The following SIK3 variants were observed in gnomAD, a reference collection of about 807,000 sequenced individuals.
SIK3 encodes serine/threonine-protein kinase SIK3.
Under a neutral mutation model 144.2 loss-of-function variants are expected in SIK3, and 28 were observed. That is an observed-to-expected ratio of 0.19 (90% confidence interval 0.14 to 0.27). The LOEUF (loss-of-function observed/expected upper bound fraction) is 0.27, where lower values mean the gene tolerates loss of function less well. Among genes scored for constraint, SIK3 ranks in the 10% least tolerant of loss-of-function variants. The pLI is 1.00. For missense variants in SIK3, 1,319 were observed against 1,776.0 expected, an observed-to-expected ratio of 0.74 and a Z score of 4.62; for synonymous variants, 686 against 676.3, an observed-to-expected ratio of 1.01 and a Z score of -0.22.
chr11:117,081,152 T>C (rs1375651920), intron 1 of SIK3, among the ~76,000 whole-genome samples: 1 of 152,094 alleles, frequency 6.6e-6, no homozygotes, highest in East Asian at 1.9e-4. Flanking sequence ...TTCCCTTTTT[T>C]AATTAAAAAA....
At chr11:117,020,025 G>A (rs902907644) in intron 1 of SIK3, among the ~76,000 whole-genome samples, 2 of 151,878 alleles carry the variant, frequency 1.3e-5, no homozygotes, top group Non-Finnish European at 2.9e-5. Context: ...CTTCCCCAAA[G>A]AAAAGCCCCA....
Position 116,858,746 on chromosome 11 carries a change from G to C in SIK3, c.2766-47C>G, listed in dbSNP as rs1443812546. The C allele has an allele frequency of 6.6e-7, 1 of 1,514,334 alleles. No individual in the cohort carries two copies. The highest frequency in any genetic ancestry group is 8.8e-7 in the Non-Finnish European group (1 of 1,131,894). 93.8% of individuals were successfully genotyped at this position (1,514,334 alleles called of 1,614,324 possible). Reference sequence around the variant, plus strand: ...CCAGACATCCATGTAACAAGTACTAGACTTCCTGGGAACAGCTCCTCCTCC... The same window carrying C: ...CCAGACATCCATGTAACAAGTACTACACTTCCTGGGAACAGCTCCTCCTCC... On this transcript the variant is annotated intron_variant, in intron 20 of 24. Transcript: ENST00000445177. This position sits in a 1 kb window ranked among gnomAD's most constrained non-coding sequence, Gnocchi z 5.4.
intron 4 of SIK3, among the ~76,000 whole-genome samples, chr11:116,907,309 G>A (rs918501715): frequency 2.0e-5 from 3 of 152,172 alleles, no homozygotes; most frequent in African/African-American, 7.2e-5. Context: ...TCATGTATGT[G>A]TTTATATTTA....
At chr11:116,900,865 ATTTT>A (rs111403613) in intron 4 of SIK3, among the ~76,000 whole-genome samples, 1 of 145,586 alleles carries the variant, frequency 6.9e-6, no homozygotes, top group East Asian at 2.0e-4. Context: ...TATATTATTT[ATTTT>A]TTTTTTTTTT....
At chr11:116,930,600 G>A (rs1181149975) in intron 3 of SIK3, among the ~76,000 whole-genome samples, 2 of 152,152 alleles carry the variant, frequency 1.3e-5, no homozygotes, top group Non-Finnish European at 2.9e-5. Flanking sequence ...TAAAATGTAC[G>A]TTGAACCTTG....
At chr11:116,885,219 T>C (rs1288071278) in intron 6 of SIK3, among the ~76,000 whole-genome samples, 1 of 152,204 alleles carries the variant, frequency 6.6e-6, no homozygotes, top group Non-Finnish European at 1.5e-5. Context: ...CGCAAAGAGA[T>C]GGAGCCCATA....
rs77610425 is a variant in SIK3 at position 117,073,659 on chromosome 11, G to A, written c.273+24484C>T. ...AATTAAGATGGAAGTCTATTGACCAGACCTACACACAGGTTTCCAAATAGT... is the reference window on the plus strand; with the variant it reads ...AATTAAGATGGAAGTCTATTGACCAAACCTACACACAGGTTTCCAAATAGT... On this transcript the variant is annotated intron_variant, in intron 1 of 24. Coordinates refer to ENST00000445177, the MANE Select transcript of SIK3 (RefSeq NM_001366686.3). Among the ~76,000 whole-genome samples the A allele has an allele frequency of 3.8e-3, 580 of 152,286 alleles. 2 individuals are homozygous for A. Among genetic ancestry groups the A allele is most frequent in the African/African-American group, 0.013 (557 of 41,570 alleles).
intron 1 of SIK3, among the ~76,000 whole-genome samples, chr11:116,966,726 A>G (rs2135445023): frequency 6.6e-6 from 1 of 152,222 alleles, no homozygotes; most frequent in South Asian, 2.1e-4. Flanking sequence ...ATGGTGGGAA[A>G]TTAAACTATA....
intron 4 of SIK3, among the ~76,000 whole-genome samples, chr11:116,903,906 A>C (rs893242947): frequency 2.0e-5 from 3 of 152,224 alleles, no homozygotes; most frequent in African/African-American, 4.8e-5. Flanking sequence ...TTAGAGCTTA[A>C]GTTTGATCTG....
intron 1 of SIK3, among the ~76,000 whole-genome samples, chr11:117,090,955 G>C (rs1179072108): frequency 6.6e-6 from 1 of 152,168 alleles, no homozygotes; most frequent in Non-Finnish European, 1.5e-5. Context: ...ATTGGTATAG[G>C]TGTATCTCGC....
intron 4 of SIK3, among the ~76,000 whole-genome samples, chr11:116,926,376 C>T (rs1193164604): frequency 6.6e-6 from 1 of 152,124 alleles, no homozygotes; most frequent in Non-Finnish European, 1.5e-5. Flanking sequence ...TAAAATTAAG[C>T]ATGAACAGAT....
At chr11:116,986,668 A>C (rs1950336407) in intron 1 of SIK3, among the ~76,000 whole-genome samples, 1 of 152,192 alleles carries the variant, frequency 6.6e-6, no homozygotes, top group South Asian at 2.1e-4. Context: ...ATAAGTACCA[A>C]GTAAGTGTTA....
chr11:116,860,586 C>T (rs75428021), intron 19 of SIK3, among the ~76,000 whole-genome samples: 3,086 of 152,304 alleles, frequency 0.02, 49 homozygotes, highest in Non-Finnish European at 0.027. Flanking sequence ...TTTGGTAGGG[C>T]TGGAGGTTTT....
chr11:116,863,918 G>T, intron 15 of SIK3, 100 bp from the exon 16 acceptor site: 1 of 1,233,466 alleles, frequency 8.1e-7, no homozygotes, highest in Non-Finnish European at 1.1e-6. Flanking sequence ...ACGGCTGGCT[G>T]CCCAGGTAGC....
At chr11:117,093,671 TA>T (rs200833598) in intron 1 of SIK3, among the ~76,000 whole-genome samples, 2,207 of 136,292 alleles carry the variant, frequency 0.016, 22 homozygotes, top group Non-Finnish European at 0.024. Flanking sequence ...CATTGCTATT[TA>T]AAAAAAAAAA....
chr11:116,911,574 TA>T (rs1946349300), intron 4 of SIK3, among the ~76,000 whole-genome samples: 1 of 152,070 alleles, frequency 6.6e-6, no homozygotes, highest in African/African-American at 2.4e-5. Flanking sequence ...ACACTGATTA[TA>T]AGTATGAAAA....
chr11:116,851,627 G>C (rs1033846128), intron 21 of SIK3, among the ~76,000 whole-genome samples: 1 of 152,200 alleles, frequency 6.6e-6, no homozygotes, highest in Non-Finnish European at 1.5e-5. Flanking sequence ...AAAGTTCTCT[G>C]AGCAAAGAGG....
Position 116,939,753 on chromosome 11 carries a change from T to C in SIK3, c.455-12373A>G, listed in dbSNP as rs920115184. ...CATGTTGAATGACACAATAAATATA[T>C]GATCAGCCAAATTCCAAATGTAGGA... On this transcript the variant is annotated intron_variant, in intron 3 of 24. Transcript: ENST00000445177. Among the ~76,000 whole-genome samples, 8 of 152,276 alleles carry C rather than the reference T, an allele frequency of 5.3e-5. No homozygotes were observed. The East Asian group carries it at 1.5e-3, about 29-fold the overall frequency.
intron 21 of SIK3, among the ~76,000 whole-genome samples, chr11:116,851,617 A>G (rs1942450783): frequency 6.6e-6 from 1 of 152,234 alleles, no homozygotes; most frequent in Non-Finnish European, 1.5e-5. Flanking sequence ...AAATCTTTTG[A>G]AAGTTCTCTG....
Sources: gnomAD v4.1 joint callset for allele counts (sites outside exome capture counted in the v4.1 genomes callset) on GRCh38, gnomAD v4.1.1 for gene constraint, Gnocchi (gnomAD v3.1) non-coding constraint, MANE v1.5 for transcripts, NCBI Gene and HGNC (gene_info 2026-07-23, HGNC 2026-07-21) for gene names.